ANKS1B: variants seen among roughly 807,000 people sequenced by gnomAD.
The protein encoded by ANKS1B is ankyrin repeat and sterile alpha motif domain containing 1B.
In ANKS1B, 36 loss-of-function variants were observed where a neutral mutation model predicts 148.3. The observed-to-expected ratio is 0.24, with a 90% CI of 0.19 to 0.32. The LOEUF (loss-of-function observed/expected upper bound fraction) is 0.32. ANKS1B is among the 10% of genes least tolerant of loss of function. The pLI is 1.00. For missense variants in ANKS1B, 1,157 were observed against 1,542.6 expected (o/e 0.75, Z 4.19); for synonymous variants, 542 against 560.8 (o/e 0.97, Z 0.47).
rs1235463822 is a variant in ANKS1B at position 98,751,586 on chromosome 12, T to A, written c.3580-64A>T. On this transcript the variant is annotated intron_variant, in intron 25 of 26. Coordinates refer to ENST00000683438, the MANE Select transcript of ANKS1B (RefSeq NM_001352186.2). This position sits in a 1 kb window ranked among gnomAD's most constrained non-coding sequence, Gnocchi z 4.3. The stretch of plus-strand genomic sequence containing the variant: ...TGCAAATTAGAATGGGTCGAATGGC[T>A]GAGGAACACTGAGGGAGGTGAACTA... 2 of 1,467,394 alleles carry A rather than the reference T, an allele frequency of 1.4e-6. No individual in the cohort carries two copies. Among genetic ancestry groups the A allele is most frequent in the Non-Finnish European group, 1.9e-6 (2 of 1,059,880 alleles). The allele number at this position is 1,467,394 out of a possible 1,614,324, so 90.9% of individuals were successfully genotyped here. A position where few individuals can be genotyped will look rare whatever the true frequency, so the allele number is the denominator to read the frequency against.
At chr12:99,579,467 T>C (rs555604082) in intron 9 of ANKS1B, among the ~76,000 whole-genome samples, 1 of 152,222 alleles carries the variant, frequency 6.6e-6, no homozygotes, top group Admixed American at 6.5e-5. Flanking sequence ...AAAGGCCTAA[T>C]AGCTAGAATC....
chr12:99,429,151 A>G (rs1273487885), intron 11 of ANKS1B, among the ~76,000 whole-genome samples: 2 of 152,160 alleles, frequency 1.3e-5, no homozygotes, highest in Admixed American at 1.3e-4. Context: ...AGAAACAAAC[A>G]AACAAACAAA....
intron 15 of ANKS1B, among the ~76,000 whole-genome samples, chr12:99,129,332 T>C (rs754321654): frequency 6.6e-6 from 1 of 152,082 alleles, no homozygotes; most frequent in African/African-American, 2.4e-5. Context: ...AGCAAACCAT[T>C]GGCTAAAACC....
intron 8 of ANKS1B, among the ~76,000 whole-genome samples, chr12:99,713,346 T>C (rs942295186): frequency 6.6e-6 from 1 of 152,242 alleles, no homozygotes; most frequent in African/African-American, 2.4e-5. Context: ...CTTCTAACTT[T>C]AGCAGTTTTT....
At chr12:99,300,600 G>T (rs1232177527) in intron 12 of ANKS1B, among the ~76,000 whole-genome samples, 1 of 152,148 alleles carries the variant, frequency 6.6e-6, no homozygotes, top group Non-Finnish European at 1.5e-5. Flanking sequence ...CTATCAACAG[G>T]GAACTAGAGA....
chr12:99,461,532 C>A (rs553879829), intron 10 of ANKS1B, among the ~76,000 whole-genome samples: 18 of 152,250 alleles, frequency 1.2e-4, no homozygotes, highest in African/African-American at 4.1e-4. Context: ...AGTGTAAATT[C>A]CAGTAGTATT....
chr12:99,523,481 C>T lies in ANKS1B; in HGVS notation c.1273-18840G>A, dbSNP rs563239388. Reference sequence around the variant, plus strand: ...TTAGAGCTTTGCAGTATAAAACTGGCTGCTTACTAAGTAGCAAACTCTCTG... The same window carrying T: ...TTAGAGCTTTGCAGTATAAAACTGGTTGCTTACTAAGTAGCAAACTCTCTG... On this transcript the variant is annotated intron_variant, in intron 9 of 26. Transcript: ENST00000683438. Among the ~76,000 whole-genome samples, 5 of 151,600 alleles carry T rather than the reference C, an allele frequency of 3.3e-5. No homozygotes were observed. The South Asian group carries it at 1.0e-3, about 32-fold the overall frequency.
intron 8 of ANKS1B, among the ~76,000 whole-genome samples, chr12:99,760,746 A>G (rs1458733279): frequency 1.3e-5 from 2 of 151,634 alleles, no homozygotes; most frequent in Non-Finnish European, 3.0e-5. Flanking sequence ...AAAAAAATCT[A>G]TAAAACCAAA....
chr12:99,840,350 T>C (rs137880104), intron 1 of ANKS1B, among the ~76,000 whole-genome samples: 29 of 152,122 alleles, frequency 1.9e-4, no homozygotes, highest in African/African-American at 6.5e-4. Context: ...GGCTGGATCA[T>C]ATAGAGCCTT....
chr12:98,744,163 A>C lies in ANKS1B; in HGVS notation c.*1576T>G. 1 of 985,530 alleles carries C rather than the reference A, an allele frequency of 1.0e-6. No individual in the cohort carries two copies. Among genetic ancestry groups the C allele is most frequent in the Non-Finnish European group, 1.2e-6 (1 of 829,650 alleles). 61.0% of individuals were successfully genotyped at this position (985,530 alleles called of 1,614,324 possible). A position where few individuals can be genotyped will look rare whatever the true frequency, so the allele number is the denominator to read the frequency against. ...CATATTTTAGTGTTATTTAACTCTCATTTTGCTACATACATATCAACAGTG... is the reference window on the plus strand; with the variant it reads ...CATATTTTAGTGTTATTTAACTCTCCTTTTGCTACATACATATCAACAGTG... On this transcript the variant is annotated 3_prime_UTR_variant, in exon 27 of 27. Coordinates refer to ENST00000683438, the MANE Select transcript of ANKS1B (RefSeq NM_001352186.2).
chr12:99,447,611 T>C (rs886389725), intron 10 of ANKS1B, among the ~76,000 whole-genome samples: 11 of 152,066 alleles, frequency 7.2e-5, no homozygotes, highest in Admixed American at 6.6e-4. Context: ...AATGGGATTA[T>C]GTCAAACTAA....
chr12:99,545,474 G>A (rs1416365287), intron 9 of ANKS1B, among the ~76,000 whole-genome samples: 1 of 151,938 alleles, frequency 6.6e-6, no homozygotes, highest in Non-Finnish European at 1.5e-5. Flanking sequence ...TCTGGGTTTT[G>A]TTTGTTTGTT....
intron 14 of ANKS1B, among the ~76,000 whole-genome samples, chr12:99,227,734 T>C (rs1319433881): frequency 6.6e-6 from 1 of 152,150 alleles, no homozygotes; most frequent in Non-Finnish European, 1.5e-5. Context: ...GAGAAACTCT[T>C]CTTACCATTT....
chr12:98,845,723 C>CT (rs79874270), intron 17 of ANKS1B, among the ~76,000 whole-genome samples: 212 of 142,164 alleles, frequency 1.5e-3, no homozygotes, highest in Middle Eastern at 3.6e-3. Flanking sequence ...ATAATTAAAA[C>CT]TTTTTTTTTT....
At chr12:99,387,793 C>G (rs79160258) in intron 12 of ANKS1B, among the ~76,000 whole-genome samples, 6,112 of 150,892 alleles carry the variant, frequency 0.041, 386 homozygotes, top group African/African-American at 0.14. Context: ...GTAAGTTACC[C>G]AGTTTACGGT....
intron 8 of ANKS1B, among the ~76,000 whole-genome samples, chr12:99,757,253 GA>G (rs1241762644): frequency 6.7e-6 from 1 of 148,208 alleles, no homozygotes; most frequent in Non-Finnish European, 1.5e-5. Flanking sequence ...AAATTTACAA[GA>G]AAAAAACGAC....
intron 14 of ANKS1B, among the ~76,000 whole-genome samples, chr12:99,155,628 T>C (rs1247268083): frequency 6.6e-6 from 1 of 152,136 alleles, no homozygotes; most frequent in African/African-American, 2.4e-5. Context: ...GAATGGCAGA[T>C]AGACTGAGTA....
rs1470226522 is a variant in ANKS1B, at chr12:99,978,245, G to A, written c.134+5859C>T. 3.9e-5 allele frequency among the ~76,000 whole-genome samples: 6 copies of A among 152,174 alleles called. No homozygotes were observed. The East Asian group carries it at 5.8e-4, about 15-fold the overall frequency. Reference sequence around the variant, plus strand: ...CAGCCTTTGTCATCTGTAAGAAATCGAGTCACACAAGAAACTGTGCAATGG... The same window carrying A: ...CAGCCTTTGTCATCTGTAAGAAATCAAGTCACACAAGAAACTGTGCAATGG... On this transcript the variant is annotated intron_variant, in intron 1 of 26. Coordinates refer to ENST00000683438, the MANE Select transcript of ANKS1B (RefSeq NM_001352186.2).
At chr12:98,836,007 A>T (rs995333262) in intron 17 of ANKS1B, among the ~76,000 whole-genome samples, 3 of 152,212 alleles carry the variant, frequency 2.0e-5, no homozygotes, top group Non-Finnish European at 2.9e-5. Flanking sequence ...CATTTTAGAG[A>T]TGCAAAATCT....
Sources: allele counts gnomAD v4.1 joint callset (sites outside exome capture counted in the v4.1 genomes callset), GRCh38; gene constraint gnomAD v4.1.1; non-coding constraint Gnocchi (gnomAD v3.1); transcripts MANE v1.5; gene names NCBI Gene and HGNC (gene_info 2026-07-23, HGNC 2026-07-21).